The following PKP4 variants were observed in gnomAD, a reference collection of about 807,000 sequenced individuals.
PKP4 encodes the protein plakophilin-4.
Under a neutral mutation model 145.1 loss-of-function variants are expected in PKP4, and 90 were observed. That is an observed-to-expected ratio of 0.62 (90% confidence interval 0.52 to 0.74). The LOEUF is 0.74. Among genes scored for constraint, PKP4 ranks in the 30% least tolerant of loss-of-function variants. The pLI is 0.00. For synonymous variants in PKP4, 563 were observed against 577.2 expected (o/e 0.98, Z 0.35); for missense variants, 1,340 against 1,482.7 (o/e 0.90, Z 1.58).
At chr2:158,620,416 C>G (rs968350970) in intron 4 of PKP4, among the ~76,000 whole-genome samples, 1 of 152,088 alleles carries the variant, frequency 6.6e-6, no homozygotes, top group African/African-American at 2.4e-5. Context: ...TTAGGTTAGA[C>G]TTGCCTATAT....
chr2:158,625,509 G>A lies in PKP4; in HGVS notation c.1153+82G>A, dbSNP rs2052686965. The A allele has an allele frequency of 3.4e-6, 4 of 1,165,226 alleles. No homozygotes were observed. In the Admixed American group the frequency reaches 9.9e-5, roughly 29 times the overall value. The allele number at this position is 1,165,226 out of a possible 1,614,324, so 72.2% of individuals were successfully genotyped here. A position where few individuals can be genotyped will look rare whatever the true frequency, so the allele number is the denominator to read the frequency against. The stretch of plus-strand genomic sequence containing the variant: ...TTAAGTTGAAACAAAGAATGAAAAG[G>A]TGGAAAAGGCTCATTCGTGTTTTTA... On this transcript the variant is annotated intron_variant, in intron 7 of 21. Transcript: ENST00000389759.
intron 1 of PKP4, among the ~76,000 whole-genome samples, chr2:158,472,186 TTAAG>T (rs1195727521): frequency 6.6e-6 from 1 of 152,206 alleles, no homozygotes; most frequent in Non-Finnish European, 1.5e-5. Context: ...GACAGCTATG[TTAAG>T]TAATGCATTT....
rs2043590738 is a variant in PKP4 at position 158,531,929 on chromosome 2, A to C, written c.-5-1251A>C. On this transcript the variant is annotated intron_variant, in intron 1 of 21. Transcript: ENST00000389759. ...GACCCACTATCCATTTATGCCTATT[A>C]ATATGGCAAGAATAAAACAACCACC... 2.0e-5 allele frequency among the ~76,000 whole-genome samples: 3 copies of C among 152,220 alleles called. 1 individual carries two copies.
At position 158,547,595 on chromosome 2, in the gene PKP4, C is replaced by T. The variant is rs183187972; in HGVS notation, c.132+14279C>T. On this transcript the variant is annotated intron_variant, in intron 2 of 21. Transcript: ENST00000389759. Reference sequence around the variant, plus strand: ...TCTGAATCTAATTGGAGCTGTGGCTCGTTGTTGTGTACATTTAGTAAAACC... The same window carrying T: ...TCTGAATCTAATTGGAGCTGTGGCTTGTTGTTGTGTACATTTAGTAAAACC... 3.0e-3 allele frequency among the ~76,000 whole-genome samples: 462 copies of T among 152,240 alleles called. 3 individuals are homozygous for T. Among genetic ancestry groups the T allele is most frequent in the African/African-American group, 0.011 (446 of 41,546 alleles).
chr2:158,626,072 T>C (rs1057436973), intron 7 of PKP4, among the ~76,000 whole-genome samples: 1 of 152,198 alleles, frequency 6.6e-6, no homozygotes, highest in Non-Finnish European at 1.5e-5. Context: ...TTAAATAAAA[T>C]GCAATTTAAC....
chr2:158,458,490 TG>T (rs1689234108), intron 1 of PKP4, among the ~76,000 whole-genome samples: 1 of 152,164 alleles, frequency 6.6e-6, no homozygotes, highest in African/African-American at 2.4e-5. Context: ...ACAGGGCTGT[TG>T]GCAAGTTTGG....
chr2:158,654,584 T>C (rs907672899), intron 11 of PKP4, among the ~76,000 whole-genome samples: 9 of 152,186 alleles, frequency 5.9e-5, no homozygotes, highest in African/African-American at 1.9e-4. Context: ...GGAGATAGAA[T>C]GGCAACTGGA....
chr2:158,583,044 G>C (rs1283741663), intron 3 of PKP4, among the ~76,000 whole-genome samples: 3 of 152,226 alleles, frequency 2.0e-5, no homozygotes, highest in Non-Finnish European at 4.4e-5. Flanking sequence ...CCCAGGGGAT[G>C]CTGGGGTATG....
At chr2:158,508,721 TCTTATGAA>T (rs1328826617) in intron 1 of PKP4, among the ~76,000 whole-genome samples, 1 of 152,342 alleles carries the variant, frequency 6.6e-6, no homozygotes, top group East Asian at 1.9e-4. Flanking sequence ...TTGCTGTAAT[TCTTATGAA>T]TTGTGAGCAT....
chr2:158,593,860 C>T (rs1323306193), intron 3 of PKP4, among the ~76,000 whole-genome samples: 1 of 152,110 alleles, frequency 6.6e-6, no homozygotes, highest in East Asian at 1.9e-4. Flanking sequence ...TGAATAAGAC[C>T]AAACATGTTC....
At chr2:158,638,254 T>C (rs2053979124) in intron 9 of PKP4, among the ~76,000 whole-genome samples, 1 of 152,216 alleles carries the variant, frequency 6.6e-6, no homozygotes, top group Admixed American at 6.5e-5. Flanking sequence ...ATGATGAATA[T>C]TAATAAAACA....
chr2:158,554,510 C>T (rs2045916112), intron 2 of PKP4, among the ~76,000 whole-genome samples: 1 of 151,346 alleles, frequency 6.6e-6, no homozygotes, highest in African/African-American at 2.4e-5. Flanking sequence ...ACTGCAAGCT[C>T]CGCCTTCCAG....
At chr2:158,471,767 A>G (rs1691606351) in intron 1 of PKP4, among the ~76,000 whole-genome samples, 1 of 152,282 alleles carries the variant, frequency 6.6e-6, no homozygotes, top group African/African-American at 2.4e-5. Context: ...ATTTCAAAGA[A>G]AAAAGAACTA....
intron 2 of PKP4, among the ~76,000 whole-genome samples, chr2:158,543,096 G>A (rs973130150): frequency 2.2e-4 from 34 of 152,138 alleles, no homozygotes; most frequent in African/African-American, 7.7e-4. Flanking sequence ...ATGAGTTTTC[G>A]TACCTTTTTC....
intron 11 of PKP4, among the ~76,000 whole-genome samples, chr2:158,655,855 G>A (rs1424088792): frequency 1.3e-5 from 2 of 152,220 alleles, no homozygotes; most frequent in Non-Finnish European, 2.9e-5. Flanking sequence ...AGGGCCCAGC[G>A]TGACTATGGT....
At chr2:158,517,915 CA>C (rs554303563) in intron 1 of PKP4, among the ~76,000 whole-genome samples, 5 of 136,826 alleles carry the variant, frequency 3.7e-5, no homozygotes, top group Admixed American at 7.3e-5. Context: ...GACCCTGTCT[CA>C]AAAAAAAAAC....
At chr2:158,608,035 T>C (rs1434857765) in intron 4 of PKP4, among the ~76,000 whole-genome samples, 3 of 152,340 alleles carry the variant, frequency 2.0e-5, no homozygotes, top group East Asian at 3.9e-4. Context: ...TAATTGTACA[T>C]TTCAAAATAA....
In PKP4 at chr2:158,628,722, G is replaced by A. The variant is rs116228363; in HGVS notation, c.1154-3031G>A. ...CTGTGCTTACAAAACCTTTCAGATTGCATGGATTCCAGTGACGAATCCAGC... is the reference window on the plus strand; with the variant it reads ...CTGTGCTTACAAAACCTTTCAGATTACATGGATTCCAGTGACGAATCCAGC... On this transcript the variant is annotated intron_variant, in intron 7 of 21. Transcript: ENST00000389759. Among the ~76,000 whole-genome samples the A allele has an allele frequency of 2.7e-3, 418 of 152,268 alleles. 3 individuals are homozygous for A. Among genetic ancestry groups the A allele is most frequent in the African/African-American group, 9.7e-3 (402 of 41,536 alleles).
intron 17 of PKP4, among the ~76,000 whole-genome samples, chr2:158,671,183 G>A (rs2057525681): frequency 6.6e-6 from 1 of 151,994 alleles, no homozygotes; most frequent in African/African-American, 2.4e-5. Flanking sequence ...TTTATTAATT[G>A]GCCAAATGAC....
Sources: allele counts gnomAD v4.1 joint callset (sites outside exome capture counted in the v4.1 genomes callset), GRCh38; gene constraint gnomAD v4.1.1; transcripts MANE v1.5; gene names NCBI Gene and HGNC (gene_info 2026-07-23, HGNC 2026-07-21).